Variants in SMURF2 observed in about 807,000 individuals in gnomAD.
SMURF2 encodes the protein SMAD specific E3 ubiquitin protein ligase 2.
A neutral mutation model predicts 109.6 loss-of-function variants in SMURF2; 48 were observed. The observed-to-expected ratio is 0.44, with a 90% confidence interval of 0.35 to 0.56. The LOEUF (loss-of-function observed/expected upper bound fraction) is 0.56. Among genes scored for constraint, SMURF2 ranks in the 20% least tolerant of loss-of-function variants. The pLI is 0.01. For synonymous variants in SMURF2, 288 were observed against 317.1 expected (o/e 0.91, Z 0.97); for missense variants, 575 against 909.0 (o/e 0.63, Z 4.72).
intron 1 of SMURF2, among the ~76,000 whole-genome samples, chr17:64,629,852 ACCT>A (rs1970314085): frequency 6.6e-6 from 1 of 152,050 alleles, no homozygotes; most frequent in South Asian, 2.1e-4. Context: ...GTCTAACAAT[ACCT>A]CCTATGACTG....
intron 6 of SMURF2, among the ~76,000 whole-genome samples, chr17:64,584,748 A>C (rs1969629531): frequency 6.6e-6 from 1 of 152,204 alleles, no homozygotes; most frequent in African/African-American, 2.4e-5. Context: ...TAATATTTCT[A>C]CAAAGATACT....
rs1484287900 is a variant in SMURF2 at position 64,547,067 on chromosome 17, C to T, written c.2071+533G>A. On this transcript the variant is annotated intron_variant, in intron 17 of 18. Coordinates refer to ENST00000262435, the MANE Select transcript of SMURF2 (RefSeq NM_022739.4). The surrounding 1 kb of genome is among the most constrained non-coding windows in gnomAD (Gnocchi z 4.2). ...ACAATCATTAGCAATATTACCAGCT[C>T]CTCCCAAAATTAACCAGCTTATTCC... is the stretch of plus-strand genomic sequence containing the variant. Among the ~76,000 whole-genome samples the T allele has an allele frequency of 6.6e-6, 1 of 152,194 alleles. No homozygotes were observed. The highest frequency in any genetic ancestry group is 6.5e-5 in the Admixed American group (1 of 15,280).
At chr17:64,573,426 C>G (rs1364453906) in intron 9 of SMURF2, among the ~76,000 whole-genome samples, 2 of 152,094 alleles carry the variant, frequency 1.3e-5, no homozygotes, top group African/African-American at 2.4e-5. Context: ...TCCTTAGTCA[C>G]AGTGAAACCA....
intron 1 of SMURF2, among the ~76,000 whole-genome samples, chr17:64,641,088 ATTATT>A (rs1440357585): frequency 2.0e-5 from 3 of 152,114 alleles, no homozygotes; most frequent in Non-Finnish European, 2.9e-5. Flanking sequence ...ATTCATATAA[ATTATT>A]TTATTCAGAT....
chr17:64,595,398 A>G (rs1323172844), intron 3 of SMURF2, among the ~76,000 whole-genome samples: 3 of 152,254 alleles, frequency 2.0e-5, no homozygotes, highest in South Asian at 2.1e-4. Flanking sequence ...ACCTCATGTA[A>G]TATAACATAC....
rs782267738 is a variant in SMURF2 at position 64,547,562 on chromosome 17, C to T, written c.2071+38G>A. ...GACCCCACGCTGACAGCCCCGCCCCCACCCGCTGCCCAGCTTGCCTGCACC... is the reference window on the plus strand; with the variant it reads ...GACCCCACGCTGACAGCCCCGCCCCTACCCGCTGCCCAGCTTGCCTGCACC... On this transcript the variant is annotated intron_variant, in intron 17 of 18. Coordinates refer to ENST00000262435, the MANE Select transcript of SMURF2 (RefSeq NM_022739.4). This position sits in a 1 kb window ranked among gnomAD's most constrained non-coding sequence, Gnocchi z 4.2. 1 of 1,593,156 alleles carries T rather than the reference C, an allele frequency of 6.3e-7. No homozygotes were observed. Among genetic ancestry groups the T allele is most frequent in the Non-Finnish European group, 8.6e-7 (1 of 1,161,408 alleles).
At position 64,543,753 on chromosome 17, in the gene SMURF2, AT is replaced by A. The variant is rs1968908725; in HGVS notation, c.*2094del. 6.6e-6 allele frequency: 1 copy of A among 152,198 alleles called. No individual in the cohort carries two copies. Among genetic ancestry groups the A allele is most frequent in the African/African-American group, 2.4e-5 (1 of 41,448 alleles). 9.4% of individuals were successfully genotyped at this position (152,198 alleles called of 1,614,324 possible). A position where few individuals can be genotyped will look rare whatever the true frequency, so the allele number is the denominator to read the frequency against. On this transcript the variant is annotated 3_prime_UTR_variant, in exon 19 of 19. Coordinates refer to ENST00000262435, the MANE Select transcript of SMURF2 (RefSeq NM_022739.4). Reference sequence around the variant, plus strand: ...TCATTATGTACTTTTTTACTGAAAGATTTTAAAAGTAGGCACAATTATAAAC... The same window carrying A: ...TCATTATGTACTTTTTTACTGAAAGATTTAAAAGTAGGCACAATTATAAAC...
At position 64,662,134 on chromosome 17, in the gene SMURF2, C is replaced by CCGCCTCCGCCCG. The variant is rs1970792063; in HGVS notation, c.-266_-255dup. On this transcript the variant is annotated 5_prime_UTR_variant, in exon 1 of 19. Coordinates refer to ENST00000262435, the MANE Select transcript of SMURF2 (RefSeq NM_022739.4). The stretch of plus-strand genomic sequence containing the variant: ...AAAGCGGCAGCCGCGGCCGCCCGCG[C>CCGCCTCCGCCCG]CGCCTCCGCCCGCGCCCCCGCCGCC... 3.8e-6 allele frequency: 4 copies of CCGCCTCCGCCCG among 1,039,486 alleles called. No homozygotes were observed. Among genetic ancestry groups the CCGCCTCCGCCCG allele is most frequent in the Non-Finnish European group, 2.3e-6 (2 of 865,784 alleles). 64.4% of individuals were successfully genotyped at this position (1,039,486 alleles called of 1,614,324 possible). A position where few individuals can be genotyped will look rare whatever the true frequency, so the allele number is the denominator to read the frequency against.
At position 64,571,890 on chromosome 17, in the gene SMURF2, CG is replaced by C; in HGVS notation, c.923del (p.Thr308ArgfsTer29). 1 of 1,613,794 alleles carries C rather than the reference CG, an allele frequency of 6.2e-7. No homozygotes were observed. On this transcript the variant is annotated frameshift_variant, in exon 10 of 19. Transcript: ENST00000262435. LOFTEE classifies it high-confidence loss of function. ...PLPPGWEIRN[T>X]ATGRVYFVDH... ...CAACGAAATAAACTCTGCCTGTTGC[CG>C]TATTACGGATCTCCCATCCAGGAGG...
At chr17:64,569,372 A>G (rs1413298402) in intron 10 of SMURF2, among the ~76,000 whole-genome samples, 2 of 152,130 alleles carry the variant, frequency 1.3e-5, no homozygotes, top group Non-Finnish European at 2.9e-5. Context: ...AGACAAAACT[A>G]TAAATGTATT....
At chr17:64,617,292 C>A (rs1175897096) in intron 1 of SMURF2, among the ~76,000 whole-genome samples, 1 of 151,996 alleles carries the variant, frequency 6.6e-6, no homozygotes, top group Non-Finnish European at 1.5e-5. Flanking sequence ...TTAGGCAATT[C>A]ATTTCATTCA....
At chr17:64,657,290 G>A (rs772177210) in intron 1 of SMURF2, among the ~76,000 whole-genome samples, 6 of 152,228 alleles carry the variant, frequency 3.9e-5, no homozygotes, top group Non-Finnish European at 7.4e-5. Context: ...TGCTAGGGGC[G>A]AGGGCATTCA....
intron 1 of SMURF2, among the ~76,000 whole-genome samples, chr17:64,629,345 A>AT (rs1158148551): frequency 2.6e-5 from 4 of 151,782 alleles, no homozygotes; most frequent in Admixed American, 1.3e-4. Context: ...TATAAAAAAA[A>AT]TTTTTTTAAT....
intron 1 of SMURF2, among the ~76,000 whole-genome samples, chr17:64,647,727 G>T (rs1970578003): frequency 2.0e-5 from 3 of 150,634 alleles, no homozygotes; most frequent in Admixed American, 2.0e-4. Flanking sequence ...TCAGATAAAA[G>T]GTGCTCATTT....
intron 16 of SMURF2, 122 bp downstream of exon 16, chr17:64,551,462 C>T: frequency 9.2e-7 from 1 of 1,087,888 alleles, no homozygotes; most frequent in Non-Finnish European, 1.3e-6. Context: ...TAAGAATTCT[C>T]AAGCATAGAA....
chr17:64,569,335 C>T (rs1969364619), intron 10 of SMURF2, among the ~76,000 whole-genome samples: 2 of 151,296 alleles, frequency 1.3e-5, no homozygotes, highest in Middle Eastern at 6.9e-3. Flanking sequence ...AAGTAAAGTC[C>T]ACATGGATTA....
intron 1 of SMURF2, among the ~76,000 whole-genome samples, chr17:64,653,296 C>T (rs1338641491): frequency 2.0e-5 from 3 of 151,874 alleles, no homozygotes; most frequent in Admixed American, 2.0e-4. Context: ...TTAAAATGTG[C>T]TTAAAACTGT....
intron 1 of SMURF2, among the ~76,000 whole-genome samples, chr17:64,650,204 CT>C (rs34557504): frequency 9.4e-4 from 124 of 132,572 alleles, no homozygotes; most frequent in East Asian, 1.7e-3. Context: ...TAAGACTTGC[CT>C]TTTTTTTTTT....
rs1397323788 is a variant in SMURF2, at chr17:64,662,118, G to T, written c.-238C>A. ...GCCCGGGCCGCACAACAAAGCGGCA[G>T]CCGCGGCCGCCCGCGCCGCCTCCGC... On this transcript the variant is annotated 5_prime_UTR_variant, in exon 1 of 19. In the 5' UTR this introduces an upstream ATG that the reference lacks. Coordinates refer to ENST00000262435, the MANE Select transcript of SMURF2 (RefSeq NM_022739.4). The T allele has an allele frequency of 9.6e-7, 1 of 1,040,288 alleles. No individual in the cohort carries two copies. Among genetic ancestry groups the T allele is most frequent in the Non-Finnish European group, 1.2e-6 (1 of 864,814 alleles). 64.4% of individuals were successfully genotyped at this position (1,040,288 alleles called of 1,614,324 possible). A position where few individuals can be genotyped will look rare whatever the true frequency, so the allele number is the denominator to read the frequency against.
Sources: gnomAD v4.1 joint callset for allele counts (sites outside exome capture counted in the v4.1 genomes callset) on GRCh38, gnomAD v4.1.1 for gene constraint, Gnocchi (gnomAD v3.1) non-coding constraint, MANE v1.5 for transcripts, NCBI Gene and HGNC (gene_info 2026-07-23, HGNC 2026-07-21) for gene names.